CDYL2: variants seen among roughly 807,000 people sequenced by gnomAD.
CDYL2 encodes the protein chromodomain Y like 2, also known as chromodomain Y-like protein 2.
In CDYL2, 23 loss-of-function variants were observed where a neutral mutation model predicts 49.4. That is an observed-to-expected ratio of 0.47 (90% CI 0.34 to 0.66). The LOEUF (loss-of-function observed/expected upper bound fraction) is 0.66, where lower values mean the gene tolerates loss of function less well. Among genes scored for constraint, CDYL2 ranks in the 30% least tolerant of loss-of-function variants. The probability of loss-of-function intolerance (pLI) is 0.01; values close to 1 mark genes in which losing one functional copy is unlikely to be tolerated. For synonymous variants in CDYL2, 360 were observed against 268.8 expected (o/e 1.34, Z -3.32); for missense variants, 678 against 656.4 (o/e 1.03, Z -0.36).
chr16:80,737,376 A>C (rs1291506668), intron 1 of CDYL2, among the ~76,000 whole-genome samples: 4 of 152,126 alleles, frequency 2.6e-5, no homozygotes, highest in African/African-American at 9.7e-5. Flanking sequence ...AAAAGGGAGG[A>C]ATCATTATCC....
chr16:80,770,848 G>T (rs1476698190), intron 1 of CDYL2, among the ~76,000 whole-genome samples: 3 of 152,108 alleles, frequency 2.0e-5, no homozygotes. Flanking sequence ...GTAAAATAGA[G>T]GAAGAGAAGA....
chr16:80,716,642 T>C (rs770646782), intron 1 of CDYL2, among the ~76,000 whole-genome samples: 2 of 152,136 alleles, frequency 1.3e-5, no homozygotes, highest in African/African-American at 4.8e-5. Flanking sequence ...GATGGATGGA[T>C]GATACATGGA....
At chr16:80,728,679 G>C (rs1243126809) in intron 1 of CDYL2, among the ~76,000 whole-genome samples, 1 of 152,128 alleles carries the variant, frequency 6.6e-6, no homozygotes, top group East Asian at 1.9e-4. Context: ...AGGAAAAAAT[G>C]TTAAGGGCAG....
chr16:80,620,799 C>G lies in CDYL2; in HGVS notation c.971G>C (p.Arg324Pro). The change falls in exon 4 of 7, where the codon CGG (arginine) becomes CCG (proline). Residue 324 changes from arginine (R) to proline (P), a missense_variant. Arg to Pro is a moderately radical substitution (Grantham distance 103, BLOSUM62 -2). This residue lies in a region of CDYL2 where 478 missense variants were observed against 427.0 expected (regional missense o/e 1.12). Coordinates refer to ENST00000570137, the MANE Select transcript of CDYL2 (RefSeq NM_152342.4). ...TGCAATCCGAGTGCTCTCCTTTCGCCGGTCGCTGGACAACCGGCCAATTAG... is the reference window on the plus strand; with the variant it reads ...TGCAATCCGAGTGCTCTCCTTTCGCGGGTCGCTGGACAACCGGCCAATTAG... ...SYLIGRLSSD[R>P]RKESTRIAEA... 6.2e-7 allele frequency: 1 copy of G among 1,609,770 alleles called. No homozygotes were observed. Among genetic ancestry groups the G allele is most frequent in the Non-Finnish European group, 8.5e-7 (1 of 1,177,114 alleles).
Position 80,684,807 on chromosome 16 carries a change from G to A in CDYL2, c.347C>T (p.Pro116Leu), listed in dbSNP as rs1910117148. The change falls in exon 2 of 7, where the codon CCA becomes CTA. Residue 116 changes from proline (P) to leucine (L), a missense_variant. By Grantham distance (98) the Pro-to-Leu change is moderately conservative. Transcript: ENST00000570137. Reference protein sequence around the residue: ...RKRINPPLAKPKKGYSGKPSS... With the variant: ...RKRINPPLAKLKKGYSGKPSS... ...GGGCTTGCCTGAATACCCTTTTTTT[G>A]GCTTGGCCAGGGGAGGGTTAATTCG... 6.2e-7 allele frequency: 1 copy of A among 1,612,538 alleles called. No homozygotes were observed. The highest frequency in any genetic ancestry group is 2.2e-5 in the East Asian group (1 of 44,850).
At chr16:80,735,275 C>G (rs987889262) in intron 1 of CDYL2, 2 of 152,218 alleles carry the variant, frequency 1.3e-5, no homozygotes, top group African/African-American at 4.8e-5. Context: ...AAAGAAAATT[C>G]ATATTGTCTC....
At chr16:80,713,374 C>G (rs1266279272) in intron 1 of CDYL2, among the ~76,000 whole-genome samples, 1 of 152,182 alleles carries the variant, frequency 6.6e-6, no homozygotes, top group Non-Finnish European at 1.5e-5. Flanking sequence ...GTAGACACAC[C>G]TCCAGAAGAC....
At chr16:80,789,544 G>A (rs552518878) in intron 1 of CDYL2, among the ~76,000 whole-genome samples, 36 of 152,036 alleles carry the variant, frequency 2.4e-4, no homozygotes, top group African/African-American at 8.7e-4. Context: ...AGGTTGCAGT[G>A]AGCCAAGATC....
chr16:80,738,376 A>G (rs560857492), intron 1 of CDYL2, among the ~76,000 whole-genome samples: 7 of 151,820 alleles, frequency 4.6e-5, no homozygotes, highest in Non-Finnish European at 1.0e-4. Flanking sequence ...CCTTGGGTAT[A>G]TACCCAGTAA....
intron 2 of CDYL2, among the ~76,000 whole-genome samples, chr16:80,673,359 T>C (rs1188844403): frequency 6.6e-6 from 1 of 152,036 alleles, no homozygotes. Flanking sequence ...AATCAACAAG[T>C]GAATTTAAGT....
intron 3 of CDYL2, among the ~76,000 whole-genome samples, chr16:80,625,461 G>A (rs1907259758): frequency 6.6e-6 from 1 of 152,158 alleles, no homozygotes; most frequent in Non-Finnish European, 1.5e-5. Flanking sequence ...TCAGCTAACT[G>A]GCACCCTTAA....
At chr16:80,665,289 C>T (rs1440225956) in intron 2 of CDYL2, among the ~76,000 whole-genome samples, 5 of 152,020 alleles carry the variant, frequency 3.3e-5, no homozygotes, top group Admixed American at 6.6e-5. Flanking sequence ...GTGGTATCCA[C>T]GTTCATGTAG....
intron 1 of CDYL2, among the ~76,000 whole-genome samples, chr16:80,693,102 C>A (rs1443373501): frequency 3.5e-5 from 5 of 144,608 alleles, no homozygotes; most frequent in African/African-American, 1.3e-4. Flanking sequence ...GTGATCGAAG[C>A]CAGATCAGTG....
At chr16:80,773,470 T>A (rs1032120365) in intron 1 of CDYL2, among the ~76,000 whole-genome samples, 1 of 152,116 alleles carries the variant, frequency 6.6e-6, no homozygotes, top group African/African-American at 2.4e-5. Flanking sequence ...ACAATTAATA[T>A]AAAATATATA....
At chr16:80,629,102 C>A (rs1907435599) in intron 3 of CDYL2, among the ~76,000 whole-genome samples, 1 of 152,156 alleles carries the variant, frequency 6.6e-6, no homozygotes, top group African/African-American at 2.4e-5. Context: ...GGCGGGACTG[C>A]ACCACGCTGA....
intron 2 of CDYL2, among the ~76,000 whole-genome samples, chr16:80,665,477 G>C (rs1909221964): frequency 7.2e-6 from 1 of 138,542 alleles, no homozygotes; most frequent in African/African-American, 2.9e-5. Flanking sequence ...TATTAGGTTG[G>C]TGAAAAAGTA....
chr16:80,730,690 G>A (rs566828777), intron 1 of CDYL2, among the ~76,000 whole-genome samples: 97 of 152,148 alleles, frequency 6.4e-4, no homozygotes, highest in Non-Finnish European at 1.1e-3. Context: ...GAACATTGAT[G>A]CAAAAATCCT....
At chr16:80,663,396 T>C (rs1469741766) in intron 2 of CDYL2, among the ~76,000 whole-genome samples, 1 of 151,526 alleles carries the variant, frequency 6.6e-6, no homozygotes, top group Non-Finnish European at 1.5e-5. Flanking sequence ...CTGAATGCAA[T>C]AGCAGGGCTC....
intron 1 of CDYL2, among the ~76,000 whole-genome samples, chr16:80,687,554 ATGGC>A (rs576744278): frequency 2.5e-4 from 37 of 150,496 alleles, no homozygotes; most frequent in Non-Finnish European, 2.4e-4. Context: ...AGATGGATGG[ATGGC>A]TGGCTGGCTG....
Sources: allele counts gnomAD v4.1 joint callset (sites outside exome capture counted in the v4.1 genomes callset), GRCh38; gene constraint gnomAD v4.1.1; regional missense constraint gnomAD v4.1.1; transcripts MANE v1.5; gene names NCBI Gene and HGNC (gene_info 2026-07-23, HGNC 2026-07-21).